Variants in CEP162 observed in about 807,000 individuals in gnomAD.
The protein encoded by CEP162 is centrosomal protein of 162 kDa.
In CEP162, 141 loss-of-function variants were observed where a neutral mutation model predicts 169.2. That is an observed-to-expected ratio of 0.83 (90% CI 0.73 to 0.96). The LOEUF is 0.96. Ranked by LOEUF, CEP162 falls within the 40% of genes least tolerant of loss-of-function variation. The pLI, the probability that CEP162 is intolerant of heterozygous loss-of-function variation, is 0.00. For synonymous variants in CEP162, 540 were observed against 526.4 expected, an observed-to-expected ratio of 1.03 and a Z score of -0.35; for missense variants, 1,600 against 1,587.2, an observed-to-expected ratio of 1.01 and a Z score of -0.14.
At chr6:84,202,906 C>G (rs1024206493) in intron 7 of CEP162, among the ~76,000 whole-genome samples, 1 of 152,004 alleles carries the variant, frequency 6.6e-6, no homozygotes, top group African/African-American at 2.4e-5. Context: ...CACCCCAGGA[C>G]CAAATACTAA....
intron 25 of CEP162, among the ~76,000 whole-genome samples, chr6:84,131,102 T>G (rs1429717181): frequency 6.6e-6 from 1 of 152,228 alleles, no homozygotes; most frequent in Non-Finnish European, 1.5e-5. Flanking sequence ...TCTGCCTTCA[T>G]TTCATTATTT....
At chr6:84,167,994 C>T (rs2099528510) in intron 18 of CEP162, among the ~76,000 whole-genome samples, 3 of 152,052 alleles carry the variant, frequency 2.0e-5, no homozygotes, top group South Asian at 4.1e-4. Flanking sequence ...CTAAAGATTT[C>T]CCTTACTTTC....
At chr6:84,141,822 C>A (rs1020408020) in intron 25 of CEP162, among the ~76,000 whole-genome samples, 6 of 152,136 alleles carry the variant, frequency 3.9e-5, no homozygotes, top group Admixed American at 3.9e-4. Context: ...AGCTCCAGGC[C>A]TTCTTATATT....
chr6:84,192,599 G>A (rs2099540383), intron 11 of CEP162, among the ~76,000 whole-genome samples: 1 of 152,196 alleles, frequency 6.6e-6, no homozygotes, highest in Non-Finnish European at 1.5e-5. Flanking sequence ...CACCACATGT[G>A]GATTTACATC....
chr6:84,167,856 C>T (rs1245560019), intron 18 of CEP162, among the ~76,000 whole-genome samples: 2 of 152,022 alleles, frequency 1.3e-5, no homozygotes, highest in African/African-American at 4.8e-5. Flanking sequence ...CTTCTTTTTT[C>T]CTAATCCACT....
chr6:84,182,700 A>G (rs184270906), intron 13 of CEP162, among the ~76,000 whole-genome samples: 23 of 152,278 alleles, frequency 1.5e-4, no homozygotes, highest in Non-Finnish European at 2.6e-4. Flanking sequence ...CCATTGTGAC[A>G]GTTAAGACAA....
chr6:84,169,592 C>T (rs1480898326), intron 17 of CEP162, among the ~76,000 whole-genome samples, 159 bp from the exon 18 acceptor site: 1 of 151,910 alleles, frequency 6.6e-6, no homozygotes, highest in Non-Finnish European at 1.5e-5. Context: ...TAAAATACTA[C>T]CATACTAAAA....
At chr6:84,190,555 C>T (rs942342504) in intron 11 of CEP162, among the ~76,000 whole-genome samples, 3 of 152,058 alleles carry the variant, frequency 2.0e-5, no homozygotes, top group African/African-American at 7.2e-5. Context: ...CCCAGCGAGA[C>T]CACGAGCCCA....
At chr6:84,205,811 T>C (rs895852873) in intron 6 of CEP162, among the ~76,000 whole-genome samples, 4 of 151,554 alleles carry the variant, frequency 2.6e-5, no homozygotes, top group Admixed American at 1.3e-4. Flanking sequence ...GATTGTATAT[T>C]TAGAATACCC....
Position 84,215,565 on chromosome 6 carries a change from T to C in CEP162, c.320-100A>G, listed in dbSNP as rs2099551229. 30 of 1,211,690 alleles carry C rather than the reference T, an allele frequency of 2.5e-5. No homozygotes were observed. The South Asian group carries it at 5.1e-4, about 21-fold the overall frequency. The allele number at this position is 1,211,690 out of a possible 1,614,324, so 75.1% of individuals were successfully genotyped here. A position where few individuals can be genotyped will look rare whatever the true frequency, so the allele number is the denominator to read the frequency against. The stretch of plus-strand genomic sequence containing the variant: ...GACATTATGTAGTAAATTTTAAAAA[T>C]TTTACAAATATTTACTCTCACTCAC... On this transcript the variant is annotated intron_variant, in intron 4 of 26. Coordinates refer to ENST00000403245, the MANE Select transcript of CEP162 (RefSeq NM_014895.4).
At chr6:84,155,169 T>G (rs2099522659) in intron 22 of CEP162, 129 bp downstream of exon 22, 1 of 722,490 alleles carries the variant, frequency 1.4e-6, no homozygotes, top group East Asian at 2.7e-5. Flanking sequence ...CTTTTGCACC[T>G]ATTGATACCA....
In CEP162 at chr6:84,175,230, C is replaced by T. The variant is rs371716549; in HGVS notation, c.1781G>A (p.Cys594Tyr). The T allele has an allele frequency of 3.9e-6, 6 of 1,537,818 alleles. No individual in the cohort carries two copies. The highest frequency in any genetic ancestry group is 1.2e-5 in the South Asian group (1 of 81,236). ...KSENPTETDS[C>Y]IQFQTDSLGY... ...AATACCTACAGTCTGAAACTGAATA[C>T]AGGAATCAGTTTCTGTGGGATTTTC... The change falls in exon 14 of 27, where the codon TGT (cysteine) becomes TAT (tyrosine). Residue 594 changes from cysteine to tyrosine, a missense_variant. Coordinates refer to ENST00000403245, the MANE Select transcript of CEP162 (RefSeq NM_014895.4).
chr6:84,168,322 C>T (rs892844084), intron 18 of CEP162, among the ~76,000 whole-genome samples: 9 of 152,252 alleles, frequency 5.9e-5, no homozygotes, highest in African/African-American at 1.9e-4. Flanking sequence ...CATACACATG[C>T]AACCAAAGGA....
intron 23 of CEP162, among the ~76,000 whole-genome samples, chr6:84,150,105 G>A (rs1445082819): frequency 1.3e-5 from 2 of 152,046 alleles, no homozygotes; most frequent in Non-Finnish European, 2.9e-5. Flanking sequence ...TGCCTTGTAG[G>A]CAGCATTAAC....
intron 13 of CEP162, among the ~76,000 whole-genome samples, chr6:84,176,450 C>G (rs2099532442): frequency 6.6e-6 from 1 of 152,100 alleles, no homozygotes; most frequent in Non-Finnish European, 1.5e-5. Flanking sequence ...AGCAGGCTTT[C>G]AAAACTTCCA....
intron 25 of CEP162, among the ~76,000 whole-genome samples, chr6:84,142,899 T>C (rs1480879701): frequency 6.6e-6 from 1 of 152,082 alleles, no homozygotes; most frequent in African/African-American, 2.4e-5. Context: ...TAAAAATAGT[T>C]AACAGTAAAA....
chr6:84,126,366 G>T lies in CEP162; in HGVS notation c.4005+12C>A. The T allele has an allele frequency of 6.4e-7, 1 of 1,563,822 alleles. No homozygotes were observed. ...AAGACCTATATAAATATGTAAATGT[G>T]ATTTACTTTACCTGTTGAAGTTCCT... is the stretch of plus-strand genomic sequence containing the variant. On this transcript the variant is annotated intron_variant, in intron 26 of 26. Transcript: ENST00000403245.
chr6:84,202,111 T>C (rs2099544763), intron 7 of CEP162, among the ~76,000 whole-genome samples: 1 of 152,232 alleles, frequency 6.6e-6, no homozygotes, highest in Non-Finnish European at 1.5e-5. Flanking sequence ...CAGAGCTATT[T>C]CACACAAGAG....
chr6:84,134,358 G>A (rs1418652845), intron 25 of CEP162, among the ~76,000 whole-genome samples: 2 of 152,074 alleles, frequency 1.3e-5, no homozygotes, highest in Non-Finnish European at 2.9e-5. Context: ...TCTTTCCAGG[G>A]GTGTCTTGCT....
Sources: gnomAD v4.1 joint callset for allele counts (sites outside exome capture counted in the v4.1 genomes callset) on GRCh38, gnomAD v4.1.1 for gene constraint, MANE v1.5 for transcripts, NCBI Gene and HGNC (gene_info 2026-07-23, HGNC 2026-07-21) for gene names.